CFAP299: variants seen among roughly 807,000 people sequenced by gnomAD.
CFAP299 encodes cilia- and flagella-associated protein 299.
In CFAP299, 21 loss-of-function variants were observed where a neutral mutation model predicts 27.0. The observed-to-expected ratio is 0.78, with a 90% confidence interval of 0.55 to 1.12. The LOEUF is 1.12. Among genes scored for constraint, CFAP299 ranks in the 50% most tolerant of loss-of-function variants. The pLI, the probability that CFAP299 is intolerant of heterozygous loss-of-function variation, is 0.00. For synonymous variants in CFAP299, 104 were observed against 98.1 expected, an observed-to-expected ratio of 1.06 and a Z score of -0.36; for missense variants, 310 against 276.6, an observed-to-expected ratio of 1.12 and a Z score of -0.86.
At chr4:80,820,586 G>C (rs1427128996) in intron 3 of CFAP299, among the ~76,000 whole-genome samples, 1 of 152,134 alleles carries the variant, frequency 6.6e-6, no homozygotes, top group Non-Finnish European at 1.5e-5. Context: ...GGAGCCAGAT[G>C]GGTCATTAAG....
intron 2 of CFAP299, among the ~76,000 whole-genome samples, chr4:80,451,469 C>T (rs893792903): frequency 2.0e-5 from 3 of 152,138 alleles, no homozygotes; most frequent in Admixed American, 1.3e-4. Context: ...CAACTGAGTA[C>T]ACTATAAGAG....
At chr4:80,393,294 TATAAA>T (rs1271817743) in intron 2 of CFAP299, among the ~76,000 whole-genome samples, 1 of 152,200 alleles carries the variant, frequency 6.6e-6, no homozygotes, top group African/African-American at 2.4e-5. Context: ...TGTAAAAGTT[TATAAA>T]ATAAAAAGTT....
At chr4:80,722,504 CTT>C (rs1560717209) in intron 3 of CFAP299, among the ~76,000 whole-genome samples, 1 of 151,930 alleles carries the variant, frequency 6.6e-6, no homozygotes, top group African/African-American at 2.4e-5. Flanking sequence ...AAAAGACACT[CTT>C]AGTAGAATGA....
chr4:80,367,001 A>G (rs955888783), intron 2 of CFAP299, among the ~76,000 whole-genome samples: 3 of 152,220 alleles, frequency 2.0e-5, no homozygotes, highest in African/African-American at 7.2e-5. Context: ...GTCCAGTATC[A>G]GTAAATCTAT....
At chr4:80,589,458 A>C (rs1378461057) in intron 3 of CFAP299, among the ~76,000 whole-genome samples, 1 of 152,230 alleles carries the variant, frequency 6.6e-6, no homozygotes, top group Non-Finnish European at 1.5e-5. Context: ...ACAAACCATT[A>C]AAATTTAGTA....
intron 4 of CFAP299, among the ~76,000 whole-genome samples, chr4:80,895,708 A>G (rs970359618): frequency 2.0e-5 from 3 of 152,056 alleles, no homozygotes; most frequent in Admixed American, 2.0e-4. Flanking sequence ...GCTATATAGG[A>G]GCAGCCCATT....
intron 3 of CFAP299, among the ~76,000 whole-genome samples, chr4:80,799,494 AAT>A (rs1560416604): frequency 2.5e-5 from 2 of 80,536 alleles, no homozygotes; most frequent in African/African-American, 1.1e-4. Context: ...AAATATATAT[AAT>A]ATATTTTATA....
chr4:80,712,887 T>C (rs1182955696), intron 3 of CFAP299, among the ~76,000 whole-genome samples: 9 of 152,150 alleles, frequency 5.9e-5, no homozygotes, highest in Non-Finnish European at 1.3e-4. Context: ...TGGAGACTTC[T>C]TTGTGTCTCC....
intron 3 of CFAP299, among the ~76,000 whole-genome samples, chr4:80,709,912 C>T (rs1722042907): frequency 6.6e-6 from 1 of 152,118 alleles, no homozygotes; most frequent in South Asian, 2.1e-4. Context: ...ATATGAATTT[C>T]AAGAGACAGA....
At chr4:80,903,278 T>G (rs1735018362) in intron 4 of CFAP299, among the ~76,000 whole-genome samples, 1 of 152,084 alleles carries the variant, frequency 6.6e-6, no homozygotes, top group African/African-American at 2.4e-5. Context: ...GGAGAGATTT[T>G]TCCTGTTGGC....
chr4:80,824,110 T>C (rs1241353275), intron 3 of CFAP299, among the ~76,000 whole-genome samples: 1 of 152,180 alleles, frequency 6.6e-6, no homozygotes. Flanking sequence ...AATAGGTTGA[T>C]GGAGTAGGAA....
At chr4:80,399,947 A>G (rs2110047974) in intron 2 of CFAP299, among the ~76,000 whole-genome samples, 2 of 151,966 alleles carry the variant, frequency 1.3e-5, no homozygotes, top group East Asian at 3.9e-4. Flanking sequence ...TTAAGAGGTT[A>G]AAAGAATATA....
intron 2 of CFAP299, among the ~76,000 whole-genome samples, chr4:80,567,801 C>G (rs1424212530): frequency 6.6e-6 from 1 of 150,718 alleles, no homozygotes; most frequent in Non-Finnish European, 1.5e-5. Flanking sequence ...TGTTTAAAGT[C>G]TAGGAAACCA....
At chr4:80,534,345 T>A (rs894662705) in intron 2 of CFAP299, among the ~76,000 whole-genome samples, 2 of 151,410 alleles carry the variant, frequency 1.3e-5, no homozygotes, top group Non-Finnish European at 3.0e-5. Flanking sequence ...ACCAAAATTT[T>A]CCTATTATAT....
intron 3 of CFAP299, among the ~76,000 whole-genome samples, chr4:80,847,666 A>T (rs965201065): frequency 1.3e-5 from 2 of 152,234 alleles, no homozygotes; most frequent in Non-Finnish European, 2.9e-5. Context: ...TGTGAAACAG[A>T]ATTAACAATG....
intron 2 of CFAP299, among the ~76,000 whole-genome samples, chr4:80,389,586 G>T (rs1345210544): frequency 6.6e-6 from 1 of 152,140 alleles, no homozygotes; most frequent in Non-Finnish European, 1.5e-5. Context: ...ATCAGGTCAA[G>T]ATACTTTAGC....
intron 2 of CFAP299, among the ~76,000 whole-genome samples, chr4:80,426,207 C>A (rs948721346): frequency 1.3e-4 from 19 of 151,262 alleles, no homozygotes; most frequent in Non-Finnish European, 2.1e-4. Flanking sequence ...TGAACATATT[C>A]ATGCTTATTT....
At chr4:80,736,629 G>A (rs371501682) in intron 3 of CFAP299, among the ~76,000 whole-genome samples, 16,473 of 152,140 alleles carry the variant, frequency 0.11, 1,082 homozygotes, top group African/African-American at 0.17. Flanking sequence ...TCTCACACCA[G>A]TTAGAATGGC....
intron 4 of CFAP299, among the ~76,000 whole-genome samples, chr4:80,891,799 A>T (rs1267604077): frequency 4.0e-4 from 57 of 141,836 alleles, no homozygotes; most frequent in African/African-American, 1.4e-3. Flanking sequence ...TAAAAAAAAA[A>T]ATAAAAGCTT....
Sources: gnomAD v4.1 joint callset for allele counts (sites outside exome capture counted in the v4.1 genomes callset) on GRCh38, gnomAD v4.1.1 for gene constraint, MANE v1.5 for transcripts, NCBI Gene and HGNC (gene_info 2026-07-23, HGNC 2026-07-21) for gene names.